SORCS1: variants seen among roughly 807,000 people sequenced by gnomAD.
The protein encoded by SORCS1 is VPS10 domain-containing receptor SorCS1.
SORCS1 carries 60 observed loss-of-function variants against 146.1 expected under a neutral mutation model. The ratio of observed to expected loss-of-function variants is 0.41; its 90% CI spans 0.33 to 0.51. The LOEUF (loss-of-function observed/expected upper bound fraction) is 0.51. Among genes scored for constraint, SORCS1 ranks in the 20% least tolerant of loss-of-function variants. The pLI is 0.21. For missense variants in SORCS1, 1,352 were observed against 1,487.6 expected (o/e 0.91, Z 1.50); for synonymous variants, 637 against 584.0 (o/e 1.09, Z -1.31).
chr10:107,043,651 C>A (rs1260779929), intron 1 of SORCS1, among the ~76,000 whole-genome samples: 1 of 152,068 alleles, frequency 6.6e-6, no homozygotes. Context: ...GTCATCATGG[C>A]CCCCAAGCCA....
At chr10:106,605,685 T>C (rs1846525527) in intron 23 of SORCS1, among the ~76,000 whole-genome samples, 1 of 152,186 alleles carries the variant, frequency 6.6e-6, no homozygotes, top group South Asian at 2.1e-4. Flanking sequence ...GGAGTGAGGT[T>C]AGATGCAAAT....
At chr10:106,954,699 T>A (rs822084) in intron 2 of SORCS1, among the ~76,000 whole-genome samples, 4 of 151,866 alleles carry the variant, frequency 2.6e-5, no homozygotes, top group African/African-American at 9.7e-5. Context: ...TGGGCTACCA[T>A]GGGTCTAAAA....
intron 1 of SORCS1, among the ~76,000 whole-genome samples, chr10:107,028,369 C>A (rs1222947388): frequency 6.6e-6 from 1 of 152,198 alleles, no homozygotes; most frequent in Admixed American, 6.5e-5. Flanking sequence ...GGGTTAGACT[C>A]CCATCTGCAC....
intron 3 of SORCS1, among the ~76,000 whole-genome samples, chr10:106,796,489 T>C (rs374597856): frequency 6.6e-6 from 1 of 152,202 alleles, no homozygotes; most frequent in Non-Finnish European, 1.5e-5. Flanking sequence ...ATAAGTCCCA[T>C]CCCGGCAAGA....
At chr10:106,682,139 C>A (rs967917999) in intron 10 of SORCS1, among the ~76,000 whole-genome samples, 1 of 151,856 alleles carries the variant, frequency 6.6e-6, no homozygotes, top group Non-Finnish European at 1.5e-5. Flanking sequence ...AATACAAAAC[C>A]AAAACAAAAA....
intron 18 of SORCS1, among the ~76,000 whole-genome samples, chr10:106,649,933 T>C (rs1849737306): frequency 6.6e-6 from 1 of 152,204 alleles, no homozygotes; most frequent in Non-Finnish European, 1.5e-5. Context: ...ATTTTTACAA[T>C]TTCTATTTGG....
intron 1 of SORCS1, among the ~76,000 whole-genome samples, chr10:107,041,075 G>T (rs1246736163): frequency 2.0e-5 from 3 of 152,092 alleles, no homozygotes; most frequent in Non-Finnish European, 4.4e-5. Context: ...GAATAAGGTA[G>T]ATTTACATGT....
At chr10:106,673,912 TGAA>T (rs1010516356) in intron 14 of SORCS1, among the ~76,000 whole-genome samples, 4 of 152,252 alleles carry the variant, frequency 2.6e-5, no homozygotes, top group Non-Finnish European at 4.4e-5. Context: ...ATATAAAAAT[TGAA>T]GAAAGACAAA....
At chr10:106,794,360 T>TA (rs1946444632) in intron 3 of SORCS1, among the ~76,000 whole-genome samples, 1 of 152,182 alleles carries the variant, frequency 6.6e-6, no homozygotes, top group Admixed American at 6.5e-5. Flanking sequence ...CATTCTTAGC[T>TA]AAAACAAAGT....
At chr10:106,690,826 A>G (rs953073018) in intron 9 of SORCS1, among the ~76,000 whole-genome samples, 3 of 152,012 alleles carry the variant, frequency 2.0e-5, no homozygotes. Flanking sequence ...TTTTTGTGCT[A>G]TTCACTGTTC....
intron 24 of SORCS1, among the ~76,000 whole-genome samples, chr10:106,587,958 C>T (rs575528570): frequency 5.3e-5 from 8 of 152,262 alleles, no homozygotes; most frequent in East Asian, 1.9e-4. Context: ...AGACGAACAG[C>T]GACCAAACTG....
chr10:106,724,220 G>T (rs1490340403), intron 6 of SORCS1, among the ~76,000 whole-genome samples: 2 of 152,066 alleles, frequency 1.3e-5, no homozygotes, highest in Non-Finnish European at 2.9e-5. Context: ...TAAAAATAAA[G>T]ATATAAGGCC....
At chr10:107,045,461 G>A (rs1035722236) in intron 1 of SORCS1, among the ~76,000 whole-genome samples, 11 of 152,098 alleles carry the variant, frequency 7.2e-5, no homozygotes, top group African/African-American at 2.4e-4. Context: ...GTATTTTCAG[G>A]GTATGCAATA....
At chr10:107,149,901 G>A (rs558621252) in intron 1 of SORCS1, among the ~76,000 whole-genome samples, 1 of 152,218 alleles carries the variant, frequency 6.6e-6, no homozygotes, top group African/African-American at 2.4e-5. Context: ...AGGCACTAAT[G>A]ACCTTTTCTC....
intron 18 of SORCS1, among the ~76,000 whole-genome samples, chr10:106,650,739 C>T (rs887420877): frequency 6.6e-6 from 1 of 152,122 alleles, no homozygotes; most frequent in Admixed American, 6.6e-5. Flanking sequence ...TGCTAAAGTT[C>T]TCGAAAGGAA....
At chr10:107,023,608 T>C (rs6584781) in intron 1 of SORCS1, among the ~76,000 whole-genome samples, 16,669 of 152,078 alleles carry the variant, frequency 0.11, 2,868 homozygotes, top group African/African-American at 0.37. Flanking sequence ...CATATTAATA[T>C]ATAGTAGAGA....
intron 1 of SORCS1, among the ~76,000 whole-genome samples, chr10:106,973,671 CCAT>C (rs2139247422): frequency 6.6e-6 from 1 of 152,318 alleles, no homozygotes; most frequent in Non-Finnish European, 1.5e-5. Flanking sequence ...AGGTTTCCTT[CCAT>C]TTTTTTCCCC....
chr10:107,163,468 C>A (rs1404360098), intron 1 of SORCS1, among the ~76,000 whole-genome samples: 3 of 152,186 alleles, frequency 2.0e-5, no homozygotes, highest in Non-Finnish European at 4.4e-5. Context: ...CTGCAGTTCT[C>A]CCTTGTGGAG....
chr10:106,795,497 T>C (rs1434405753), intron 3 of SORCS1, among the ~76,000 whole-genome samples: 1 of 152,138 alleles, frequency 6.6e-6, no homozygotes, highest in Non-Finnish European at 1.5e-5. Flanking sequence ...GAAAACAAGA[T>C]GCAAAATAAT....
Sources: gnomAD v4.1 joint callset for allele counts (sites outside exome capture counted in the v4.1 genomes callset) on GRCh38, gnomAD v4.1.1 for gene constraint, MANE v1.5 for transcripts, NCBI Gene and HGNC (gene_info 2026-07-23, HGNC 2026-07-21) for gene names.